The following CELF2 variants were observed in gnomAD, a reference collection of about 807,000 sequenced individuals.
CELF2 encodes CUG triplet repeat RNA-binding protein 2.
In CELF2, 8 loss-of-function variants were observed where a neutral mutation model predicts 62.6. The ratio of observed to expected loss-of-function variants is 0.13; its 90% CI spans 0.07 to 0.23. CELF2 has a LOEUF of 0.23. CELF2 is among the 10% of genes least tolerant of loss of function. CELF2 has a pLI of 1.00. For synonymous variants in CELF2, 258 were observed against 250.0 expected, an observed-to-expected ratio of 1.03 and a Z score of -0.30; for missense variants, 333 against 671.0, an observed-to-expected ratio of 0.50 and a Z score of 5.56.
rs976863476 is a variant in CELF2, at chr10:11,321,688, C to T, written c.1294+302C>T. Among the ~76,000 whole-genome samples the T allele has an allele frequency of 3.9e-5, 6 of 152,062 alleles. No individual in the cohort carries two copies. Among genetic ancestry groups the T allele is most frequent in the Admixed American group, 3.3e-4 (5 of 15,266 alleles). The stretch of plus-strand genomic sequence containing the variant: ...TCCATTCGGGGAACACAGACATACC[C>T]CTCTCTCTCAAACAAAAGCAAAAAC... On this transcript the variant is annotated intron_variant, in intron 11 of 12. Transcript: ENST00000633077. This position sits in a 1 kb window ranked among gnomAD's most constrained non-coding sequence, Gnocchi z 6.2.
intron 1 of CELF2, among the ~76,000 whole-genome samples, chr10:10,889,282 A>G (rs2061973137): frequency 6.6e-6 from 1 of 152,214 alleles, no homozygotes; most frequent in South Asian, 2.1e-4. Context: ...GCCATTTCGC[A>G]GGGGTTAATC....
At chr10:10,825,272 C>T (rs552881799) in intron 1 of CELF2, among the ~76,000 whole-genome samples, 2 of 152,172 alleles carry the variant, frequency 1.3e-5, no homozygotes, top group African/African-American at 4.8e-5. Context: ...TGCAGTGGCG[C>T]GATCTCGACT....
chr10:11,274,644 A>G (rs752427441), intron 7 of CELF2, among the ~76,000 whole-genome samples: 11 of 152,282 alleles, frequency 7.2e-5, no homozygotes, highest in Non-Finnish European at 1.6e-4. Flanking sequence ...CAGTGAACCA[A>G]TGTGCTTCTG....
chr10:10,887,080 C>T (rs888882638), intron 1 of CELF2, among the ~76,000 whole-genome samples: 5 of 152,046 alleles, frequency 3.3e-5, no homozygotes, highest in South Asian at 2.1e-4. Context: ...CTAAAATAAC[C>T]GGGGACTGGC....
At chr10:11,070,390 G>C (rs371901815) in intron 1 of CELF2, among the ~76,000 whole-genome samples, 1 of 152,130 alleles carries the variant, frequency 6.6e-6, no homozygotes, top group African/African-American at 2.4e-5. Flanking sequence ...TTTCTTCCCC[G>C]ATTCTAAGAA....
chr10:11,234,676 T>A, intron 3 of CELF2, among the ~76,000 whole-genome samples: 1 of 36,736 alleles, frequency 2.7e-5, no homozygotes, highest in East Asian at 7.4e-4. Context: ...TGAGACTCCA[T>A]CTCAAAAAAA....
rs762907779 is a variant in CELF2, at chr10:10,946,622, G to GT, written c.89+26633dup. ...TTTCCTAAAGAGATAAAGTTTTAGT[G>GT]TTTTTTTTTTATTTAATAAAGACTC... On this transcript the variant is annotated intron_variant, in intron 2 of 13. Coordinates refer to the CELF2 transcript ENST00000636488. The GT allele has an allele frequency of 1.7e-3, 251 of 149,208 alleles. 2 individuals are homozygous for GT. The highest frequency in any genetic ancestry group is 2.7e-3 in the Non-Finnish European group (178 of 66,906). 9.2% of individuals were successfully genotyped at this position (149,208 alleles called of 1,614,324 possible).
upstream of CELF2, among the ~76,000 whole-genome samples, chr10:11,004,465 ATC>A (rs1214338899): frequency 2.6e-4 from 40 of 151,694 alleles, no homozygotes; most frequent in African/African-American, 9.0e-4. This position sits in a 1 kb window ranked among gnomAD's most constrained non-coding sequence, Gnocchi z 5.0. Flanking sequence ...TACTTGGCTA[ATC>A]TGCGTAGAAT....
chr10:10,943,902 C>A (rs1176064413), intron 2 of CELF2, among the ~76,000 whole-genome samples: 3 of 151,976 alleles, frequency 2.0e-5, no homozygotes, highest in African/African-American at 7.2e-5. Flanking sequence ...ACACTCAGCC[C>A]CAAGATTGCT....
chr10:10,793,538 C>T (rs928393315), upstream of CELF2, among the ~76,000 whole-genome samples: 3 of 152,154 alleles, frequency 2.0e-5, no homozygotes, highest in African/African-American at 7.2e-5. Context: ...TACAGACATG[C>T]CCCCATGTTT....
rs76715810 is a variant in CELF2, at chr10:10,829,141, A to G, written c.53+30324A>G. Among the ~76,000 whole-genome samples, 1,063 of 152,338 alleles carry G rather than the reference A, an allele frequency of 7.0e-3. 14 individuals carry two copies. The highest frequency in any genetic ancestry group is 0.024 in the African/African-American group (1,009 of 41,582). ...TTGTCATCAATCTTATCTTCTCACC[A>G]TAGTTATCTTGTCACTGTCCTATGG... On this transcript the variant is annotated intron_variant, in intron 1 of 13. Coordinates refer to the CELF2 transcript ENST00000636488.
chr10:10,549,046 T>G, the CELF2 span, among the ~76,000 whole-genome samples: 5 of 152,188 alleles, frequency 3.3e-5, no homozygotes, highest in African/African-American at 1.2e-4. Flanking sequence ...ACAATTCTTT[T>G]TCTTGCCGAC....
chr10:10,618,998 G>T, the CELF2 span, among the ~76,000 whole-genome samples: 6 of 152,204 alleles, frequency 3.9e-5, no homozygotes, highest in Non-Finnish European at 1.5e-5. Flanking sequence ...TTATTATGCA[G>T]TTAGGGTCTC....
At chr10:10,574,876 T>C in the CELF2 span, among the ~76,000 whole-genome samples, 5 of 79,902 alleles carry the variant, frequency 6.3e-5, no homozygotes, top group African/African-American at 2.1e-4. Flanking sequence ...TGCCTGGTTT[T>C]TTTTTTTTTT....
chr10:10,727,949 T>A, the CELF2 span, among the ~76,000 whole-genome samples: 9 of 152,008 alleles, frequency 5.9e-5, 1 homozygote, highest in African/African-American at 2.2e-4. Context: ...CAAAGATGAA[T>A]AAGATTCTCC....
At chr10:10,834,002 C>T (rs1306280892) in intron 1 of CELF2, among the ~76,000 whole-genome samples, 1 of 152,176 alleles carries the variant, frequency 6.6e-6, no homozygotes, top group South Asian at 2.1e-4. Flanking sequence ...ACCATAAAGA[C>T]ACTTGTACAT....
In CELF2 at chr10:10,874,536, C is replaced by A. The variant is rs370067353; in HGVS notation, c.54-45428C>A. Among the ~76,000 whole-genome samples, 32 of 151,658 alleles carry A rather than the reference C, an allele frequency of 2.1e-4. No homozygotes were observed. The South Asian group carries it at 6.4e-3, about 31-fold the overall frequency. The stretch of plus-strand genomic sequence containing the variant: ...TTTATAAATAGATCTCTAAGGACTT[C>A]TGATACAAGATTTTCAAAGTTGAGA... On this transcript the variant is annotated intron_variant, in intron 1 of 13. Transcript: ENST00000636488.
At chr10:10,651,237 C>T in the CELF2 span, among the ~76,000 whole-genome samples, 1 of 131,766 alleles carries the variant, frequency 7.6e-6, no homozygotes, top group African/African-American at 2.8e-5. Context: ...CAGAATCTCG[C>T]TGATTGCTAG....
chr10:10,628,981 A>G, the CELF2 span, among the ~76,000 whole-genome samples: 36 of 152,340 alleles, frequency 2.4e-4, no homozygotes, highest in African/African-American at 8.7e-4. Flanking sequence ...TCTGAAGAGC[A>G]GAAAAGGACC....
Sources: gnomAD v4.1 joint callset for allele counts (sites outside exome capture counted in the v4.1 genomes callset) on GRCh38, gnomAD v4.1.1 for gene constraint, Gnocchi (gnomAD v3.1) non-coding constraint, MANE v1.5 for transcripts, NCBI Gene and HGNC (gene_info 2026-07-23, HGNC 2026-07-21) for gene names.